CELA3A: variants seen among roughly 807,000 people sequenced by gnomAD.
CELA3A encodes chymotrypsin-like elastase family member 3A.
In CELA3A, 35 loss-of-function variants were observed where a neutral mutation model predicts 38.6. That is an observed-to-expected ratio of 0.91 (90% CI 0.69 to 1.20). The LOEUF (loss-of-function observed/expected upper bound fraction) is 1.20. CELA3A is among the 50% of genes most tolerant of loss of function. The pLI is 0.00. For synonymous variants in CELA3A, 143 were observed against 136.7 expected (o/e 1.05, Z -0.32); for missense variants, 343 against 354.2 (o/e 0.97, Z 0.25).
intron 6 of CELA3A, among the ~76,000 whole-genome samples, chr1:22,007,996 T>TC (rs1447667150): frequency 6.6e-6 from 1 of 150,596 alleles, no homozygotes; most frequent in Non-Finnish European, 1.5e-5. Context: ...ACAGAAAAAC[T>TC]TTTTTTACTT....
At chr1:22,009,390 C>A (rs1644969915) in intron 6 of CELA3A, among the ~76,000 whole-genome samples, 1 of 149,954 alleles carries the variant, frequency 6.7e-6, no homozygotes, top group African/African-American at 2.5e-5. Context: ...AATAAATAAA[C>A]AAAAATTAGC....
At chr1:22,004,596 C>G (rs552078470) in intron 2 of CELA3A, among the ~76,000 whole-genome samples, 1 of 151,990 alleles carries the variant, frequency 6.6e-6, no homozygotes, top group South Asian at 2.1e-4. Flanking sequence ...ACAAACAATA[C>G]AGAAATGAAT....
intron 7 of CELA3A, among the ~76,000 whole-genome samples, chr1:22,011,248 G>T (rs1336019811): frequency 2.0e-5 from 3 of 149,298 alleles, no homozygotes; most frequent in Non-Finnish European, 4.4e-5. Context: ...GGGCGTATTG[G>T]TGCATGCCTG....
chr1:22,002,232 T>C (rs1644922564), intron 1 of CELA3A, among the ~76,000 whole-genome samples: 2 of 151,384 alleles, frequency 1.3e-5, no homozygotes, highest in African/African-American at 4.9e-5. Context: ...GATTTTCTTA[T>C]ACTTTCTCAT....
At chr1:22,009,616 T>A in intron 6 of CELA3A, 89 bp from the exon 7 acceptor site, 1 of 1,507,964 alleles carries the variant, frequency 6.6e-7, no homozygotes, top group Non-Finnish European at 8.9e-7. Context: ...TCAAGTAATG[T>A]CAGAGTTTCT....
At chr1:22,006,784 C>A (rs1287369982) in intron 4 of CELA3A, 94 bp from the exon 5 acceptor site, 1 of 1,500,230 alleles carries the variant, frequency 6.7e-7, no homozygotes, top group Non-Finnish European at 9.0e-7. Flanking sequence ...GAAGTTGGGG[C>A]ATCTCAGAGG....
chr1:22,004,226 C>T (rs1321504668), intron 2 of CELA3A, among the ~76,000 whole-genome samples: 1 of 150,610 alleles, frequency 6.6e-6, no homozygotes, highest in East Asian at 2.0e-4. Flanking sequence ...CATGCGCCAC[C>T]ATGCCCAGCT....
At chr1:22,005,232 G>A (rs1367420231) in intron 2 of CELA3A, among the ~76,000 whole-genome samples, 2 of 151,750 alleles carry the variant, frequency 1.3e-5, no homozygotes, top group Non-Finnish European at 2.9e-5. Flanking sequence ...GGAGGCTTTG[G>A]AGAATCAGAA....
At chr1:22,005,605 T>TG in intron 3 of CELA3A, 57 bp from the exon 4 acceptor site, 1 of 1,611,636 alleles carries the variant, frequency 6.2e-7, no homozygotes, top group South Asian at 1.1e-5. Flanking sequence ...TGGGTGATGA[T>TG]GGGGAAGGAG....
In CELA3A at chr1:22,003,068, C is replaced by A. The variant is rs141652575; in HGVS notation, c.109C>A (p.Pro37Thr). The change falls in exon 2 of 8, where the codon CCC (proline) becomes ACC (threonine). Residue 37 changes from proline (P) to threonine (T), a missense_variant. By Grantham distance (38) the Pro-to-Thr change is conservative (BLOSUM62 -1). Coordinates refer to ENST00000290122, the MANE Select transcript of CELA3A (RefSeq NM_005747.5). The part of the protein sequence containing the change: ...SRVVHGEDAV[P>T]YSWPWQVSLQ... ...CGTTGTCCATGGTGAGGATGCGGTC[C>A]CCTACAGCTGGCCCTGGCAGGTAAG... 6.3e-7 allele frequency: 1 copy of A among 1,576,634 alleles called. No individual in the cohort carries two copies. Among genetic ancestry groups the A allele is most frequent in the Middle Eastern group, 1.7e-4 (1 of 5,948 alleles).
At chr1:22,004,205 A>T (rs1404416457) in intron 2 of CELA3A, among the ~76,000 whole-genome samples, 8 of 148,892 alleles carry the variant, frequency 5.4e-5, no homozygotes, top group African/African-American at 1.8e-4. Flanking sequence ...CTGTGTAGCT[A>T]GGACTACAGG....
chr1:22,007,729 T>G (rs1469029689), intron 6 of CELA3A, among the ~76,000 whole-genome samples: 2 of 151,250 alleles, frequency 1.3e-5, no homozygotes, highest in African/African-American at 4.9e-5. Context: ...CACACTGACA[T>G]GACTTGGGAC....
At position 22,002,473 on chromosome 1, in the gene CELA3A, T is replaced by C. The variant is rs1277912093; in HGVS notation, c.44-530T>C. The C allele has an allele frequency of 8.9e-6, 4 of 450,586 alleles. 1 individual carries two copies. Among genetic ancestry groups the C allele is most frequent in the African/African-American group, 4.1e-5 (2 of 49,290 alleles). 27.9% of individuals were successfully genotyped at this position (450,586 alleles called of 1,614,324 possible). On this transcript the variant is annotated intron_variant, in intron 1 of 7. Transcript: ENST00000290122. The stretch of plus-strand genomic sequence containing the variant: ...TTAGCCTCCTGAGTAGCTGAGATTA[T>C]AGGCACATGCCACCATACCTGGCTA...
At chr1:22,007,982 A>G (rs1315250808) in intron 6 of CELA3A, among the ~76,000 whole-genome samples, 1 of 150,690 alleles carries the variant, frequency 6.6e-6, no homozygotes, top group East Asian at 2.0e-4. Flanking sequence ...TGAGATGCCC[A>G]TCTACAGAAA....
intron 6 of CELA3A, among the ~76,000 whole-genome samples, chr1:22,009,358 C>T (rs867316786): frequency 6.6e-6 from 1 of 150,600 alleles, no homozygotes; most frequent in South Asian, 2.1e-4. Context: ...AGTGAGACTT[C>T]GTCTCTAATA....
chr1:22,008,152 C>CTTTTTT (rs71016968), intron 6 of CELA3A, among the ~76,000 whole-genome samples: 1,782 of 86,794 alleles, frequency 0.021, 127 homozygotes, highest in African/African-American at 0.062. Context: ...GACGTTGTCT[C>CTTTTTT]TTTTTTTTTT....
rs778395514 is a variant in CELA3A at position 22,007,367 on chromosome 1, T to C, written c.500-6T>C. The stretch of plus-strand genomic sequence containing the variant: ...ACCCCTGACTCGGTGCTTTTTATCC[T>C]TGCAGCCAATGGGCCACTCCCAGAC... On this transcript the variant is annotated splice_region_variant and splice_polypyrimidine_tract_variant and intron_variant, in intron 5 of 7. Coordinates refer to ENST00000290122, the MANE Select transcript of CELA3A (RefSeq NM_005747.5). 1.4e-5 allele frequency: 23 copies of C among 1,606,992 alleles called. No individual in the cohort carries two copies. Among genetic ancestry groups the C allele is most frequent in the Non-Finnish European group, 1.9e-5 (22 of 1,176,844 alleles).
Position 22,007,527 on chromosome 1 carries a change from C to G in CELA3A, c.642+12C>G. ...GCTCCGGCTGCAACGTGAGTCAGCT[C>G]TTACCTGCCCGAGGTGGTGCTGGGT... On this transcript the variant is annotated intron_variant, in intron 6 of 7. Coordinates refer to ENST00000290122, the MANE Select transcript of CELA3A (RefSeq NM_005747.5). 2.5e-6 allele frequency: 4 copies of G among 1,605,888 alleles called. No homozygotes were observed. Among genetic ancestry groups the G allele is most frequent in the Non-Finnish European group, 3.4e-6 (4 of 1,175,708 alleles).
intron 6 of CELA3A, 51 bp from the exon 7 acceptor site, chr1:22,009,654 C>G: frequency 6.3e-7 from 1 of 1,590,958 alleles, no homozygotes. Flanking sequence ...AGAACCAGTT[C>G]CGTAAACCTC....
Sources: allele counts gnomAD v4.1 joint callset (sites outside exome capture counted in the v4.1 genomes callset), GRCh38; gene constraint gnomAD v4.1.1; transcripts MANE v1.5; gene names NCBI Gene and HGNC (gene_info 2026-07-23, HGNC 2026-07-21).